SLC16A2: variants seen among roughly 807,000 people sequenced by gnomAD.
SLC16A2 encodes solute carrier family 16 member 2, also known as monocarboxylate transporter 8.
In SLC16A2, 3 loss-of-function variants were observed where a neutral mutation model predicts 27.2. That is an observed-to-expected ratio of 0.11 (90% CI 0.05 to 0.28). The LOEUF is 0.28. Ranked by LOEUF, SLC16A2 falls within the 10% of genes least tolerant of loss-of-function variation. SLC16A2 has a pLI of 1.00. For synonymous variants in SLC16A2, 202 were observed against 187.8 expected, an observed-to-expected ratio of 1.08 and a Z score of -0.62; for missense variants, 295 against 458.5, an observed-to-expected ratio of 0.64 and a Z score of 3.26.
At chrX:74,429,336 G>C (rs760068032) in intron 1 of SLC16A2, among the ~76,000 whole-genome samples, 1 of 110,672 alleles carries the variant, frequency 9.0e-6, no homozygotes, top group South Asian at 3.9e-4. Flanking sequence ...GGCTGGCATA[G>C]TGGCACATGC....
chrX:74,421,766 C>A lies in SLC16A2; in HGVS notation c.129C>A (p.Pro43=). The A allele has an allele frequency of 1.8e-6, 2 of 1,138,467 alleles. No homozygotes were observed. Among genetic ancestry groups the A allele is most frequent in the African/African-American group, 1.8e-5 (1 of 55,928 alleles). The allele number at this position is 1,138,467 out of a possible 1,213,427, so 93.8% of individuals were successfully genotyped here. A position where few individuals can be genotyped will look rare whatever the true frequency, so the allele number is the denominator to read the frequency against. The change falls in exon 1 of 6, where the codon CCC becomes CCA. Residue 43 remains proline (P), a synonymous_variant. Transcript: ENST00000587091. ...CGGAGCCTGAGCCCGAGCCCGAGCCCGTGCCAGTGCCCCCGCCCGAGCCCC... is the reference window on the plus strand; with the variant it reads ...CGGAGCCTGAGCCCGAGCCCGAGCCAGTGCCAGTGCCCCCGCCCGAGCCCC... ...SEPEPEPEPE[P]VPVPPPEPQP... is the part of the protein sequence containing the mutation.
At chrX:74,474,589 A>G (rs777947213) in intron 1 of SLC16A2, among the ~76,000 whole-genome samples, 1 of 109,409 alleles carries the variant, frequency 9.1e-6, no homozygotes, top group Non-Finnish European at 1.9e-5. Context: ...TTAACTCGTC[A>G]TTTAACATTA....
chrX:74,421,631 C>A lies in SLC16A2; in HGVS notation c.-7C>A, dbSNP rs1446232761. ...CTGGCCCAAGCAGCCACAGTCCCCC[C>A]GCCGCGATGGCGCTGCAAAGCCAGG... On this transcript the variant is annotated 5_prime_UTR_variant, in exon 1 of 6. Transcript: ENST00000587091. The A allele has an allele frequency of 8.3e-7, 1 of 1,204,381 alleles. No individual in the cohort carries two copies. The highest frequency in any genetic ancestry group is 3.0e-5 in the East Asian group (1 of 33,652).
Position 74,533,547 on chromosome X carries a change from C to T in SLC16A2, c.*1994C>T, listed in dbSNP as rs953569742. On this transcript the variant is annotated 3_prime_UTR_variant, in exon 6 of 6. Coordinates refer to ENST00000587091, the MANE Select transcript of SLC16A2 (RefSeq NM_006517.5). ...CCCCACCTCACTCTCACCAAGTCAC[C>T]AGAGGGTGGTTCTGTAGGACCTCTT... 3 of 112,507 alleles carry T rather than the reference C, an allele frequency of 2.7e-5. No individual in the cohort carries two copies. The highest frequency in any genetic ancestry group is 9.7e-5 in the African/African-American group (3 of 30,821). The allele number at this position is 112,507 out of a possible 1,213,427, so 9.3% of individuals were successfully genotyped here. A position where few individuals can be genotyped will look rare whatever the true frequency, so the allele number is the denominator to read the frequency against.
At position 74,532,354 on chromosome X, in the gene SLC16A2, A is replaced by T. The variant is rs1327514776; in HGVS notation, c.*801A>T. 1 of 112,200 alleles carries T rather than the reference A, an allele frequency of 8.9e-6. No homozygotes were observed. Among genetic ancestry groups the T allele is most frequent in the African/African-American group, 3.3e-5 (1 of 30,617 alleles). The allele number at this position is 112,200 out of a possible 1,213,427, so 9.2% of individuals were successfully genotyped here. On this transcript the variant is annotated 3_prime_UTR_variant, in exon 6 of 6. Transcript: ENST00000587091. ...TTTCGCTCAAGCTATATAATCCTAG[A>T]CTGGAAGAGTAGAATATCATATAGG...
intron 1 of SLC16A2, among the ~76,000 whole-genome samples, chrX:74,444,303 C>G (rs1345628439): frequency 9.0e-6 from 1 of 111,685 alleles, no homozygotes; most frequent in African/African-American, 3.3e-5. Flanking sequence ...GACTCCTCTA[C>G]CCTTGTTATT....
At chrX:74,480,984 T>A (rs1929607990) in intron 1 of SLC16A2, among the ~76,000 whole-genome samples, 1 of 112,667 alleles carries the variant, frequency 8.9e-6, no homozygotes, top group Non-Finnish European at 1.9e-5. Context: ...CTCGAAATAA[T>A]CATGTGATCT....
intron 1 of SLC16A2, among the ~76,000 whole-genome samples, chrX:74,471,653 A>G (rs1929359438): frequency 8.9e-6 from 1 of 111,743 alleles, no homozygotes; most frequent in South Asian, 3.7e-4. Flanking sequence ...GTGGTGAAAT[A>G]TACAGAACAT....
chrX:74,497,284 T>C (rs1024020609), intron 1 of SLC16A2, among the ~76,000 whole-genome samples: 1 of 111,616 alleles, frequency 9.0e-6, no homozygotes. Flanking sequence ...TCCATATCAC[T>C]GGCTGTGCCC....
intron 1 of SLC16A2, among the ~76,000 whole-genome samples, chrX:74,468,804 CA>C (rs1366088476): frequency 2.7e-5 from 3 of 112,023 alleles, no homozygotes; most frequent in African/African-American, 9.7e-5. Context: ...TCACCTTAAA[CA>C]TTTATCATTT....
At chrX:74,473,984 G>A (rs1336208026) in intron 1 of SLC16A2, 1 of 276,925 alleles carries the variant, frequency 3.6e-6, no homozygotes, top group Non-Finnish European at 6.6e-6. Context: ...CTTTAATGAC[G>A]CTTCCTCAGC....
At chrX:74,511,286 A>C (rs1305297556) in intron 1 of SLC16A2, among the ~76,000 whole-genome samples, 1 of 109,995 alleles carries the variant, frequency 9.1e-6, no homozygotes, top group African/African-American at 3.3e-5. Context: ...GGTTCGCGCC[A>C]TTCTCCTGCC....
At chrX:74,461,433 C>T (rs577407257) in intron 1 of SLC16A2, among the ~76,000 whole-genome samples, 10 of 108,204 alleles carry the variant, frequency 9.2e-5, no homozygotes, top group African/African-American at 3.0e-4. Flanking sequence ...TGTGTGTGCA[C>T]GCGTGCATGT....
At chrX:74,463,623 T>A (rs907576158) in intron 1 of SLC16A2, among the ~76,000 whole-genome samples, 7 of 110,306 alleles carry the variant, frequency 6.3e-5, no homozygotes, top group African/African-American at 2.3e-4. Context: ...TCCTCCCGGG[T>A]TCATGCCATT....
At chrX:74,477,664 G>A (rs910496290) in intron 1 of SLC16A2, among the ~76,000 whole-genome samples, 20 of 112,043 alleles carry the variant, frequency 1.8e-4, no homozygotes, top group Non-Finnish European at 3.4e-4. Flanking sequence ...GTTTCCCAGA[G>A]ATTCTGGTAT....
chrX:74,480,596 G>T (rs773727935), intron 1 of SLC16A2, among the ~76,000 whole-genome samples: 3 of 112,430 alleles, frequency 2.7e-5, no homozygotes, highest in South Asian at 7.5e-4. Context: ...CTGTAGACTG[G>T]AGTTGTTCCT....
intron 1 of SLC16A2, among the ~76,000 whole-genome samples, chrX:74,490,172 A>G (rs1262780338): frequency 1.8e-5 from 2 of 110,537 alleles, no homozygotes; most frequent in Non-Finnish European, 3.8e-5. Context: ...AGAAAAAGAG[A>G]ACTTAGGAAC....
At chrX:74,437,538 G>GTTT (rs1210833370) in intron 1 of SLC16A2, among the ~76,000 whole-genome samples, 1 of 112,048 alleles carries the variant, frequency 8.9e-6, no homozygotes, top group Non-Finnish European at 1.9e-5. Flanking sequence ...AAGAGCCAGT[G>GTTT]TTTTTTGCCT....
At chrX:74,519,855 G>A (rs1208088805) in intron 1 of SLC16A2, among the ~76,000 whole-genome samples, 3 of 110,230 alleles carry the variant, frequency 2.7e-5, no homozygotes, top group Non-Finnish European at 1.9e-5. Context: ...GACTTCTCAA[G>A]ATCTCACAGC....
Sources: gnomAD v4.1 joint callset for allele counts (sites outside exome capture counted in the v4.1 genomes callset) on GRCh38, gnomAD v4.1.1 for gene constraint, MANE v1.5 for transcripts, NCBI Gene and HGNC (gene_info 2026-07-23, HGNC 2026-07-21) for gene names.